Variants in URB2 observed in about 807,000 individuals in gnomAD.
The protein encoded by URB2 is URB2 ribosome biogenesis homolog.
In URB2, 86 loss-of-function variants were observed where a neutral mutation model predicts 120.9. The observed-to-expected ratio is 0.71, with a 90% confidence interval of 0.60 to 0.85. URB2 has a LOEUF of 0.85. Ranked by LOEUF, URB2 falls within the 40% of genes least tolerant of loss-of-function variation. URB2 has a pLI of 0.00. For synonymous variants in URB2, 755 were observed against 758.4 expected (o/e 1.00, Z 0.07); for missense variants, 1,765 against 1,836.5 (o/e 0.96, Z 0.71).
intron 9 of URB2, among the ~76,000 whole-genome samples, chr1:229,658,408 G>A (rs566499656): frequency 6.6e-6 from 1 of 152,220 alleles, no homozygotes; most frequent in African/African-American, 2.4e-5. Flanking sequence ...GGGGAGAAGT[G>A]CATCTTTAGG....
rs774651483 is a variant in URB2, at chr1:229,643,682, G to A, written c.3784G>A (p.Ala1262Thr). The change falls in exon 5 of 10, where the codon GCA (alanine) becomes ACA (threonine). Residue 1262 changes from alanine to threonine, a missense_variant. By Grantham distance (58) the Ala-to-Thr change is moderately conservative. Coordinates refer to ENST00000258243, the MANE Select transcript of URB2 (RefSeq NM_014777.4). The part of the protein sequence containing the change: ...QGLDVSNMWK[A>T]DVQAVVSAVT... ...ACTGGATGTCAGTAACATGTGGAAA[G>A]CAGATGTGCAGGTGGGTGCCTTCTC... is the stretch of plus-strand genomic sequence containing the variant. 5.6e-6 allele frequency: 9 copies of A among 1,613,420 alleles called. No homozygotes were observed. The highest frequency in any genetic ancestry group is 7.6e-6 in the Non-Finnish European group (9 of 1,179,780).
Position 229,635,345 on chromosome 1 carries a change from G to A in URB2, c.732G>A (p.Gly244=), listed in dbSNP as rs143308460. 43 of 1,614,168 alleles carry A rather than the reference G, an allele frequency of 2.7e-5. No individual in the cohort carries two copies. In the African/African-American group the frequency reaches 5.2e-4, roughly 20 times the overall value. ...AGATTGAGGCCATGTTCCGAGGAGGGATTTTTCAGCCTGAGCTACTGTCAT... is the reference window on the plus strand; with the variant it reads ...AGATTGAGGCCATGTTCCGAGGAGGAATTTTTCAGCCTGAGCTACTGTCAT... ...RSQIEAMFRG[G]IFQPELLSSY... Residue 244 remains glycine, a synonymous_variant, in exon 4 of 10, where the codon GGG becomes GGA. Coordinates refer to ENST00000258243, the MANE Select transcript of URB2 (RefSeq NM_014777.4).
Position 229,647,695 on chromosome 1 carries a change from A to T in URB2, c.4092A>T (p.Gly1364=). The T allele has an allele frequency of 6.2e-7, 1 of 1,614,082 alleles. No individual in the cohort carries two copies. Residue 1364 remains glycine (G), a synonymous_variant, in exon 7 of 10, where the codon GGA becomes GGT. Transcript: ENST00000258243. The part of the protein sequence containing the change: ...PLDHLKPLEY[G]SVFPRLHNVL... ...ACCATCTGAAGCCGCTGGAGTATGG[A>T]AGCGTCTTCCCGAGGCTGCACAACG...
intron 7 of URB2, 75 bp downstream of exon 7, chr1:229,647,827 A>G (rs907902094): frequency 2.0e-6 from 3 of 1,538,162 alleles, no homozygotes; most frequent in Admixed American, 4.0e-5. Flanking sequence ...GAAAAGTGGC[A>G]GCAAAACTTT....
At chr1:229,644,811 A>G (rs1374244761) in intron 5 of URB2, among the ~76,000 whole-genome samples, 1 of 152,144 alleles carries the variant, frequency 6.6e-6, no homozygotes, top group African/African-American at 2.4e-5. Flanking sequence ...CTCACTGACA[A>G]TGTGAAATGC....
At position 229,644,164 on chromosome 1, in the gene URB2, T is replaced by C. The variant is rs192049544; in HGVS notation, c.3795+471T>C. ...TGGTGTTGCATTTGCTGAGTGCCTT[T>C]GCACAGAGCTCACATGCTGGGATTT... On this transcript the variant is annotated intron_variant, in intron 5 of 9. Coordinates refer to ENST00000258243, the MANE Select transcript of URB2 (RefSeq NM_014777.4). Among the ~76,000 whole-genome samples, 9 of 152,364 alleles carry C rather than the reference T, an allele frequency of 5.9e-5. No individual in the cohort carries two copies. In the East Asian group the frequency reaches 1.7e-3, roughly 29 times the overall value.
In URB2 at chr1:229,654,365, C is replaced by T; in HGVS notation, c.4354C>T (p.Gln1452Ter). ...TGTGTTTTCCCCATTTATGGTGGCCCAGTACGTGTTGGAGGTACAGAAGGT... is the reference window on the plus strand; with the variant it reads ...TGTGTTTTCCCCATTTATGGTGGCCTAGTACGTGTTGGAGGTACAGAAGGT... ...FAVFSPFMVA[Q>*]YVLEVQKVTL... Residue 1452 changes from glutamine (Q) to a stop codon, truncating the protein, a stop_gained, in exon 9 of 10, where the codon CAG becomes TAG. Transcript: ENST00000258243. LOFTEE classifies it high-confidence loss of function. 6.2e-7 allele frequency: 1 copy of T among 1,614,152 alleles called. No homozygotes were observed. Among genetic ancestry groups the T allele is most frequent in the Non-Finnish European group, 8.5e-7 (1 of 1,180,024 alleles).
At chr1:229,633,887 A>C (rs1468599278) in intron 3 of URB2, among the ~76,000 whole-genome samples, 1 of 152,154 alleles carries the variant, frequency 6.6e-6, no homozygotes, top group Non-Finnish European at 1.5e-5. Flanking sequence ...GCTGGAGTGC[A>C]GTGGTGTGAT....
chr1:229,640,036 A>G (rs761512841), intron 4 of URB2, among the ~76,000 whole-genome samples: 5 of 152,252 alleles, frequency 3.3e-5, no homozygotes, highest in South Asian at 2.1e-4. Context: ...TTACAGCTAT[A>G]TAAGATATAC....
At chr1:229,655,324 C>T (rs1280455630) in intron 9 of URB2, among the ~76,000 whole-genome samples, 3 of 152,130 alleles carry the variant, frequency 2.0e-5, no homozygotes, top group Non-Finnish European at 2.9e-5. Context: ...ACCTCTGCCC[C>T]GTGGGTTCAA....
At chr1:229,657,741 T>C (rs982240759) in intron 9 of URB2, among the ~76,000 whole-genome samples, 3 of 152,212 alleles carry the variant, frequency 2.0e-5, no homozygotes, top group Admixed American at 6.5e-5. Context: ...TTTAAGATGA[T>C]CACTTGTCAG....
intron 9 of URB2, among the ~76,000 whole-genome samples, chr1:229,658,747 C>T (rs112490110): frequency 0.011 from 1,643 of 152,216 alleles, 30 homozygotes; most frequent in African/African-American, 0.037. Flanking sequence ...AGCTTATCTT[C>T]TTATAAGGTT....
intron 9 of URB2, among the ~76,000 whole-genome samples, chr1:229,657,435 G>A (rs1420127346): frequency 8.5e-5 from 13 of 152,172 alleles, no homozygotes. Flanking sequence ...TCAAGTCTTA[G>A]CGCTGCCAGT....
At chr1:229,644,395 A>T (rs796094349) in intron 5 of URB2, among the ~76,000 whole-genome samples, 32 of 152,316 alleles carry the variant, frequency 2.1e-4, no homozygotes, top group African/African-American at 6.5e-4. Context: ...CAGGAGAGGA[A>T]ACAAACCTAA....
chr1:229,628,276 TCAG>T (rs1665582961), intron 2 of URB2, among the ~76,000 whole-genome samples: 3 of 66,880 alleles, frequency 4.5e-5, no homozygotes, highest in Admixed American at 1.3e-4. Flanking sequence ...TATAAATTAG[TCAG>T]ACATGGTGGC....
intron 7 of URB2, among the ~76,000 whole-genome samples, chr1:229,648,569 A>T (rs1187844940): frequency 6.8e-6 from 1 of 147,550 alleles, no homozygotes; most frequent in African/African-American, 2.5e-5. Context: ...ACATTTATTG[A>T]ACATTTGATG....
chr1:229,634,854 C>A, intron 3 of URB2, 63 bp from the exon 4 acceptor site: 2 of 1,350,556 alleles, frequency 1.5e-6, no homozygotes, highest in Non-Finnish European at 9.7e-7. Context: ...TTTTTTAATA[C>A]TTTTCTTGTG....
chr1:229,635,282 CCAGCTGAGGCAGGTGCTGAGCCGGGA>C lies in URB2; in HGVS notation c.672_697del (p.Gln224HisfsTer6). On this transcript the variant is annotated frameshift_variant, in exon 4 of 10. Transcript: ENST00000258243. LOFTEE classifies it high-confidence loss of function. ...GCACATGGACGCAGGCTGGCCAGGGCCAGCTGAGGCAGGTGCTGAGCCGGGACATCAGGAGTCAGATTGAGGCCATG... is the reference window on the plus strand; with the variant it reads ...GCACATGGACGCAGGCTGGCCAGGGCCATCAGGAGTCAGATTGAGGCCATG... The C allele has an allele frequency of 2.5e-6, 4 of 1,614,224 alleles. No individual in the cohort carries two copies. The highest frequency in any genetic ancestry group is 2.5e-6 in the Non-Finnish European group (3 of 1,180,046).
chr1:229,649,806 T>C (rs1199700883), intron 7 of URB2, among the ~76,000 whole-genome samples: 1 of 152,202 alleles, frequency 6.6e-6, no homozygotes, highest in Non-Finnish European at 1.5e-5. Flanking sequence ...TGTTCAATCC[T>C]CATGACAACC....
Sources: gnomAD v4.1 joint callset for allele counts (sites outside exome capture counted in the v4.1 genomes callset) on GRCh38, gnomAD v4.1.1 for gene constraint, MANE v1.5 for transcripts, NCBI Gene and HGNC (gene_info 2026-07-23, HGNC 2026-07-21) for gene names.